DLGAP1: variants seen among roughly 807,000 people sequenced by gnomAD.
DLGAP1 encodes the protein DLG associated protein 1.
A neutral mutation model predicts 90.8 loss-of-function variants in DLGAP1; 11 were observed. The ratio of observed to expected loss-of-function variants is 0.12; its 90% CI spans 0.08 to 0.20. DLGAP1 has a LOEUF of 0.20. Among genes scored for constraint, DLGAP1 ranks in the 10% least tolerant of loss-of-function variants. The pLI, the probability that DLGAP1 is intolerant of heterozygous loss-of-function variation, is 1.00. For missense variants in DLGAP1, 1,050 were observed against 1,333.8 expected, an observed-to-expected ratio of 0.79 and a Z score of 3.31; for synonymous variants, 558 against 540.7, an observed-to-expected ratio of 1.03 and a Z score of -0.44.
intron 2 of DLGAP1, among the ~76,000 whole-genome samples, chr18:4,107,304 A>G (rs1023482668): frequency 6.6e-6 from 1 of 152,256 alleles, no homozygotes; most frequent in Non-Finnish European, 1.5e-5. Flanking sequence ...GGAATCACAC[A>G]GTGAATTTTC....
At chr18:3,513,380 C>T (rs1160997137) in intron 10 of DLGAP1, among the ~76,000 whole-genome samples, 1 of 152,192 alleles carries the variant, frequency 6.6e-6, no homozygotes, top group Non-Finnish European at 1.5e-5. Flanking sequence ...GGTCCTATAG[C>T]CCTGAACTCC....
chr18:4,233,768 G>A (rs566105109), intron 1 of DLGAP1, among the ~76,000 whole-genome samples: 33 of 152,214 alleles, frequency 2.2e-4, no homozygotes, highest in African/African-American at 7.5e-4. Flanking sequence ...GATACTTTTT[G>A]ATGGAGATAG....
chr18:3,822,881 T>G (rs939883388), intron 4 of DLGAP1, among the ~76,000 whole-genome samples: 1 of 152,158 alleles, frequency 6.6e-6, no homozygotes, highest in Non-Finnish European at 1.5e-5. Context: ...TGTGGTAGAA[T>G]GCACCTGTAG....
chr18:4,208,465 T>C (rs2077767624), intron 1 of DLGAP1, among the ~76,000 whole-genome samples: 1 of 152,200 alleles, frequency 6.6e-6, no homozygotes, highest in African/African-American at 2.4e-5. Context: ...ACTAATTTAA[T>C]GCTGGAGTCT....
intron 5 of DLGAP1, 137 bp downstream of exon 5, chr18:3,813,921 TA>T: frequency 2.5e-6 from 2 of 810,172 alleles, no homozygotes; most frequent in Non-Finnish European, 4.1e-6. Flanking sequence ...ACGTCAGATC[TA>T]AAGTCACAAT....
chr18:3,874,717 C>T, intron 4 of DLGAP1: 8 of 1,533,098 alleles, frequency 5.2e-6, no homozygotes, highest in African/African-American at 1.4e-5. Context: ...GTTCCTGCTC[C>T]CAACCCTAAT....
intron 1 of DLGAP1, among the ~76,000 whole-genome samples, chr18:4,200,652 G>A (rs16946238): frequency 0.012 from 1,748 of 151,746 alleles, 58 homozygotes; most frequent in Admixed American, 0.065. Context: ...ACAATGGCCA[G>A]AACTTTCAAA....
intron 2 of DLGAP1, among the ~76,000 whole-genome samples, chr18:4,085,336 C>A (rs976220770): frequency 2.0e-5 from 3 of 152,232 alleles, no homozygotes; most frequent in Non-Finnish European, 2.9e-5. Flanking sequence ...ATCTGATTCA[C>A]TTACATGCTA....
intron 1 of DLGAP1, among the ~76,000 whole-genome samples, chr18:4,337,089 G>C (rs889135198): frequency 6.7e-6 from 1 of 150,138 alleles, no homozygotes; most frequent in Non-Finnish European, 1.5e-5. Context: ...ACTCCAGCCT[G>C]GGCGACAGAG....
At chr18:3,876,010 T>C (rs2070992525) in intron 4 of DLGAP1, among the ~76,000 whole-genome samples, 5 of 147,126 alleles carry the variant, frequency 3.4e-5, no homozygotes, top group African/African-American at 1.3e-4. Context: ...AGTTGGCAAT[T>C]AAGGCAATAG....
intron 4 of DLGAP1, chr18:3,874,656 C>A (rs754964466): frequency 7.2e-6 from 11 of 1,535,470 alleles, no homozygotes; most frequent in Non-Finnish European, 1.7e-6. Context: ...TGTATAAGAG[C>A]CAACCACATC....
intron 5 of DLGAP1, among the ~76,000 whole-genome samples, chr18:3,808,444 C>T (rs193165614): frequency 1.3e-5 from 2 of 152,236 alleles, no homozygotes; most frequent in Non-Finnish European, 1.5e-5. Flanking sequence ...TCACTGAGGA[C>T]GTAAATTCAC....
At chr18:3,999,537 G>A (rs1290160710) in intron 3 of DLGAP1, among the ~76,000 whole-genome samples, 1 of 151,906 alleles carries the variant, frequency 6.6e-6, no homozygotes, top group Admixed American at 6.6e-5. Context: ...TTTCCTATGT[G>A]GTCAATATCA....
intron 2 of DLGAP1, among the ~76,000 whole-genome samples, chr18:4,077,151 C>T (rs1179413145): frequency 6.6e-6 from 1 of 152,118 alleles, no homozygotes; most frequent in Non-Finnish European, 1.5e-5. Context: ...ATTTTATCAT[C>T]TAAATGCATA....
chr18:3,926,307 C>T (rs1011612290), intron 3 of DLGAP1, among the ~76,000 whole-genome samples: 2 of 152,032 alleles, frequency 1.3e-5, no homozygotes, highest in Non-Finnish European at 2.9e-5. Context: ...AGTCCCCTTC[C>T]CAGCTGTGAC....
At chr18:4,101,834 A>G (rs1402896640) in intron 2 of DLGAP1, among the ~76,000 whole-genome samples, 1 of 151,824 alleles carries the variant, frequency 6.6e-6, no homozygotes, top group African/African-American at 2.4e-5. Flanking sequence ...CTGCCTATAT[A>G]TGTATAAATC....
At chr18:4,204,516 T>TTTG (rs1555762779) in intron 1 of DLGAP1, among the ~76,000 whole-genome samples, 9 of 151,670 alleles carry the variant, frequency 5.9e-5, no homozygotes, top group African/African-American at 1.7e-4. Context: ...TGGTTTTTTT[T>TTTG]TTGTTTTTGT....
At chr18:3,547,301 CAAAAAAA>C (rs765095049) in intron 9 of DLGAP1, among the ~76,000 whole-genome samples, 3 of 45,422 alleles carry the variant, frequency 6.6e-5, no homozygotes, top group South Asian at 7.7e-4. Flanking sequence ...GACTCCGTCT[CAAAAAAA>C]AAAAAAAAAA....
chr18:4,440,482 T>C (rs1298315325), intron 1 of DLGAP1, among the ~76,000 whole-genome samples: 1 of 152,234 alleles, frequency 6.6e-6, no homozygotes, highest in Admixed American at 6.5e-5. Context: ...AATGCTTTAC[T>C]ATCGGTACAT....
Sources: allele counts gnomAD v4.1 joint callset (sites outside exome capture counted in the v4.1 genomes callset), GRCh38; gene constraint gnomAD v4.1.1; transcripts MANE v1.5; gene names NCBI Gene and HGNC (gene_info 2026-07-23, HGNC 2026-07-21).